Variants in TBC1D2 observed in about 807,000 individuals in gnomAD.
TBC1D2 encodes TBC1 domain family member 2A.
In TBC1D2, 58 loss-of-function variants were observed where a neutral mutation model predicts 91.1. The observed-to-expected ratio is 0.64, with a 90% CI of 0.52 to 0.79. The LOEUF is 0.79. Among genes scored for constraint, TBC1D2 ranks in the 30% least tolerant of loss-of-function variants. The probability of loss-of-function intolerance (pLI) is 0.00; values close to 1 mark genes in which losing one functional copy is unlikely to be tolerated. For synonymous variants in TBC1D2, 482 were observed against 511.5 expected, an observed-to-expected ratio of 0.94 and a Z score of 0.78; for missense variants, 1,080 against 1,208.3, an observed-to-expected ratio of 0.89 and a Z score of 1.57.
intron 9 of TBC1D2, among the ~76,000 whole-genome samples, chr9:98,203,789 G>A (rs1045944899): frequency 1.3e-5 from 2 of 152,114 alleles, no homozygotes; most frequent in Admixed American, 6.6e-5. Flanking sequence ...CCCACACAGT[G>A]CCTGCCACAC....
chr9:98,227,244 T>C lies in TBC1D2; in HGVS notation c.978+1708A>G, dbSNP rs559154345. 2.6e-5 allele frequency among the ~76,000 whole-genome samples: 4 copies of C among 152,290 alleles called. No homozygotes were observed. The South Asian group carries it at 6.2e-4, about 24-fold the overall frequency. ...CACGTGTTATAACTACACATTTGGG[T>C]GTTGCTTTGTTTAATGTCTGTCTCT... On this transcript the variant is annotated intron_variant, in intron 5 of 12. Transcript: ENST00000465784.
At chr9:98,216,988 G>A (rs12554166) in intron 6 of TBC1D2, among the ~76,000 whole-genome samples, 34,176 of 152,130 alleles carry the variant, frequency 0.22, 4,090 homozygotes, top group African/African-American at 0.3. Context: ...GAGCCACCAC[G>A]CTTGGCTACA....
At chr9:98,215,838 A>C (rs1004468509) in intron 6 of TBC1D2, among the ~76,000 whole-genome samples, 6 of 152,112 alleles carry the variant, frequency 3.9e-5, no homozygotes, top group Non-Finnish European at 7.3e-5. Flanking sequence ...CTAATCACCA[A>C]ACTTCCTGCC....
Position 98,208,882 on chromosome 9 carries a change from G to A in TBC1D2, c.1936C>T (p.Leu646=), listed in dbSNP as rs140525246. The A allele has an allele frequency of 1.2e-5, 20 of 1,614,170 alleles. No individual in the cohort carries two copies. The African/African-American group carries it at 2.4e-4, about 19-fold the overall frequency. Residue 646 remains leucine (L), a synonymous_variant, in exon 9 of 13, where the codon CTG becomes TTG. Coordinates refer to ENST00000465784, the MANE Select transcript of TBC1D2 (RefSeq NM_001267571.2). ...RWLVHLRVQH[L]HTPGCYQELL... ...TCCTGGTAGCAGCCTGGAGTGTGCAGGTGCTGGACACGGAGGTGGACCAGC... is the reference window on the plus strand; with the variant it reads ...TCCTGGTAGCAGCCTGGAGTGTGCAAGTGCTGGACACGGAGGTGGACCAGC...
chr9:98,214,710 C>T (rs1828927706), intron 6 of TBC1D2, among the ~76,000 whole-genome samples: 1 of 152,226 alleles, frequency 6.6e-6, no homozygotes, highest in Admixed American at 6.5e-5. Flanking sequence ...CTGGCCCTCC[C>T]TGGGTGGGTC....
In TBC1D2 at chr9:98,229,149, CT is replaced by C; in HGVS notation, c.782-2del. ...TTTGGAGAATCCTCTGGCTCTCTCC[CT>C]GCTCAAGAGGAGAAACGCAGAAGTT... On this transcript the variant is annotated splice_acceptor_variant, in intron 4 of 12. Transcript: ENST00000465784. LOFTEE classifies it high-confidence loss of function. 1 of 1,614,026 alleles carries C rather than the reference CT, an allele frequency of 6.2e-7. No individual in the cohort carries two copies.
intron 6 of TBC1D2, 70 bp downstream of exon 6, chr9:98,220,763 G>C (rs903275275): frequency 1.9e-6 from 3 of 1,573,684 alleles, no homozygotes; most frequent in Non-Finnish European, 2.6e-6. Flanking sequence ...TAGGGGTGGA[G>C]AGCGCACCTT....
intron 8 of TBC1D2, among the ~76,000 whole-genome samples, chr9:98,210,379 C>CTGGGAGGCAGCCACATT (rs1466479573): frequency 1.3e-5 from 2 of 152,166 alleles, no homozygotes; most frequent in African/African-American, 4.8e-5. Context: ...ACAGGCACAT[C>CTGGGAGGCAGCCACATT]TGGGAGGCAG....
intron 4 of TBC1D2, among the ~76,000 whole-genome samples, chr9:98,230,982 T>C (rs938254344): frequency 6.6e-6 from 1 of 152,202 alleles, no homozygotes; most frequent in African/African-American, 2.4e-5. Context: ...CAAGGCAGCC[T>C]GCAGAGCTCA....
intron 3 of TBC1D2, among the ~76,000 whole-genome samples, chr9:98,234,220 G>A (rs573072988): frequency 1.3e-5 from 2 of 152,188 alleles, no homozygotes; most frequent in East Asian, 3.9e-4. Context: ...TTTAAGAACC[G>A]GGTACTAACC....
chr9:98,200,329 CCTT>C lies in TBC1D2; in HGVS notation c.2500_2502del (p.Lys834del), dbSNP rs1588023796. On this transcript the variant is annotated inframe_deletion, in exon 12 of 13. Coordinates refer to ENST00000465784, the MANE Select transcript of TBC1D2 (RefSeq NM_001267571.2). ...AGGCCATTCTGTAGCCTCAAGATCT[CCTT>C]CTCGTTGTACTTGAAAATGGCCAAG... is the stretch of plus-strand genomic sequence containing the variant. The C allele has an allele frequency of 1.9e-6, 3 of 1,613,444 alleles. No individual in the cohort carries two copies. The highest frequency in any genetic ancestry group is 2.5e-6 in the Non-Finnish European group (3 of 1,179,874).
intron 6 of TBC1D2, among the ~76,000 whole-genome samples, chr9:98,215,084 C>T (rs971424183): frequency 2.6e-5 from 4 of 152,332 alleles, no homozygotes; most frequent in African/African-American, 9.6e-5. Context: ...ACCAGCTTCA[C>T]TGCCTCTCAA....
Position 98,199,058 on chromosome 9 carries a change from A to G in TBC1D2, c.*323T>C, listed in dbSNP as rs1828409353. The G allele has an allele frequency of 2.1e-6, 1 of 483,956 alleles. No homozygotes were observed. Among genetic ancestry groups the G allele is most frequent in the Admixed American group, 3.6e-5 (1 of 27,934 alleles). 30.0% of individuals were successfully genotyped at this position (483,956 alleles called of 1,614,324 possible). ...TGATTTCCACCATTTACATTGTTTT[A>G]TATTGATATAACCTAGAGAATGTTC... On this transcript the variant is annotated 3_prime_UTR_variant, in exon 13 of 13. Coordinates refer to ENST00000465784, the MANE Select transcript of TBC1D2 (RefSeq NM_001267571.2).
intron 3 of TBC1D2, among the ~76,000 whole-genome samples, chr9:98,243,108 AAAAC>A (rs1207141891): frequency 6.6e-6 from 1 of 151,722 alleles, no homozygotes; most frequent in Non-Finnish European, 1.5e-5. Context: ...GAAATTATCT[AAAAC>A]AAAGCCTGAC....
intron 9 of TBC1D2, among the ~76,000 whole-genome samples, chr9:98,204,011 C>CT (rs1304663728): frequency 6.6e-6 from 1 of 152,126 alleles, no homozygotes; most frequent in East Asian, 1.9e-4. Context: ...ATGCACATAG[C>CT]TTTTTTTCTC....
At chr9:98,245,472 T>C (rs933533897) in intron 2 of TBC1D2, among the ~76,000 whole-genome samples, 1 of 151,562 alleles carries the variant, frequency 6.6e-6, no homozygotes, top group Non-Finnish European at 1.5e-5. Context: ...GAGGCTGAGG[T>C]GGGTGGATCA....
intron 8 of TBC1D2, 74 bp from the exon 9 acceptor site, chr9:98,209,218 G>A (rs1828747930): frequency 1.4e-6 from 2 of 1,463,652 alleles, no homozygotes; most frequent in Admixed American, 3.5e-5. Context: ...TGACAGGGAG[G>A]ACCCCAGGCC....
intron 3 of TBC1D2, chr9:98,234,837 T>G (rs566514733): frequency 5.0e-6 from 1 of 200,838 alleles, no homozygotes; most frequent in South Asian, 1.0e-4. Flanking sequence ...CTGCGTCAGG[T>G]CAATTTAGTG....
At chr9:98,251,389 G>A (rs186418079) in intron 2 of TBC1D2, among the ~76,000 whole-genome samples, 13 of 152,204 alleles carry the variant, frequency 8.5e-5, no homozygotes, top group African/African-American at 2.6e-4. Context: ...GTGAAAGTTT[G>A]ATTTCTTGAG....
Sources: allele counts gnomAD v4.1 joint callset (sites outside exome capture counted in the v4.1 genomes callset), GRCh38; gene constraint gnomAD v4.1.1; transcripts MANE v1.5; gene names NCBI Gene and HGNC (gene_info 2026-07-23, HGNC 2026-07-21).